Variants in ANO2 observed in about 807,000 individuals in gnomAD.
The protein encoded by ANO2 is anoctamin-2.
In ANO2, 101 loss-of-function variants were observed where a neutral mutation model predicts 124.2. The ratio of observed to expected loss-of-function variants is 0.81; its 90% CI spans 0.69 to 0.96. The LOEUF (loss-of-function observed/expected upper bound fraction) is 0.96, where lower values mean the gene tolerates loss of function less well. Ranked by LOEUF, ANO2 falls within the 40% of genes least tolerant of loss-of-function variation. ANO2 has a pLI of 0.00. For missense variants in ANO2, 1,293 were observed against 1,274.5 expected, an observed-to-expected ratio of 1.01 and a Z score of -0.22; for synonymous variants, 486 against 482.5, an observed-to-expected ratio of 1.01 and a Z score of -0.09.
At chr12:5,823,977 T>C (rs1205356942) in intron 7 of ANO2, among the ~76,000 whole-genome samples, 1 of 152,222 alleles carries the variant, frequency 6.6e-6, no homozygotes, top group Admixed American at 6.5e-5. Flanking sequence ...CTGAGCTGTA[T>C]GTTGGCCCCT....
chr12:5,602,371 C>A (rs2136886799), intron 19 of ANO2, among the ~76,000 whole-genome samples: 1 of 152,144 alleles, frequency 6.6e-6, no homozygotes, highest in East Asian at 1.9e-4. Flanking sequence ...CCACCTCAGC[C>A]TCCCAAGTAG....
intron 14 of ANO2, among the ~76,000 whole-genome samples, chr12:5,707,219 G>A (rs1334676582): frequency 1.3e-5 from 2 of 150,724 alleles, no homozygotes; most frequent in African/African-American, 4.9e-5. Context: ...TCTCTCTCCT[G>A]CCGCCATATA....
intron 3 of ANO2, among the ~76,000 whole-genome samples, chr12:5,876,164 G>C (rs1229469326): frequency 6.6e-6 from 1 of 152,162 alleles, no homozygotes; most frequent in African/African-American, 2.4e-5. Context: ...CCTAGAATAT[G>C]ATGGGGTTCT....
At chr12:5,943,002 T>C (rs1942953490) in intron 1 of ANO2, among the ~76,000 whole-genome samples, 1 of 152,198 alleles carries the variant, frequency 6.6e-6, no homozygotes, top group Admixed American at 6.5e-5. Flanking sequence ...GGGAACACTT[T>C]AACACTGCTG....
chr12:5,755,370 T>G (rs1951547985), intron 10 of ANO2, among the ~76,000 whole-genome samples: 1 of 148,788 alleles, frequency 6.7e-6, no homozygotes, highest in South Asian at 2.1e-4. Context: ...TTTTTTACAT[T>G]TATTTATTTT....
chr12:5,902,235 C>T (rs564900953), intron 3 of ANO2, among the ~76,000 whole-genome samples: 14 of 152,118 alleles, frequency 9.2e-5, no homozygotes, highest in South Asian at 6.3e-4. Flanking sequence ...AAAAAACTCA[C>T]GATAACAAGC....
At chr12:5,916,725 A>T (rs1429127459) in intron 3 of ANO2, among the ~76,000 whole-genome samples, 27 of 98,888 alleles carry the variant, frequency 2.7e-4, no homozygotes, top group African/African-American at 5.3e-4. Context: ...TTTTTAATTT[A>T]AAAAAAAAAA....
At chr12:5,802,393 G>A (rs1268584980) in intron 9 of ANO2, among the ~76,000 whole-genome samples, 5 of 152,242 alleles carry the variant, frequency 3.3e-5, no homozygotes, top group Non-Finnish European at 5.9e-5. Flanking sequence ...GAGCTACAGA[G>A]CACCAAAGCT....
At chr12:5,676,201 A>G (rs996959360) in intron 14 of ANO2, among the ~76,000 whole-genome samples, 1 of 152,226 alleles carries the variant, frequency 6.6e-6, no homozygotes, top group Admixed American at 6.5e-5. Context: ...CCAGATACCA[A>G]AGCAAGAAAT....
intron 20 of ANO2, among the ~76,000 whole-genome samples, chr12:5,589,286 C>A (rs1353421861): frequency 6.6e-6 from 1 of 151,876 alleles, no homozygotes; most frequent in Non-Finnish European, 1.5e-5. Flanking sequence ...GAAAGGAGTG[C>A]CTAATAGGCC....
At chr12:5,629,544 C>A (rs879594529) in intron 16 of ANO2, among the ~76,000 whole-genome samples, 15 of 152,200 alleles carry the variant, frequency 9.9e-5, no homozygotes, top group Admixed American at 3.3e-4. Context: ...TACCATGCTG[C>A]AGCCCTATTT....
Position 5,807,311 on chromosome 12 carries a change from AC to A in ANO2, c.948+1del. ...GAGCACGCTGATGAAAATAGTACTTACGTCATGAAGAGGGTAGGCAGCCTCA... is the reference window on the plus strand; with the variant it reads ...GAGCACGCTGATGAAAATAGTACTTAGTCATGAAGAGGGTAGGCAGCCTCA... On this transcript the variant is annotated splice_donor_variant, in intron 8 of 24. Transcript: ENST00000682330. LOFTEE classifies it high-confidence loss of function. The A allele has an allele frequency of 1.9e-6, 3 of 1,552,752 alleles. No homozygotes were observed. Among genetic ancestry groups the A allele is most frequent in the Non-Finnish European group, 2.6e-6 (3 of 1,147,804 alleles).
In ANO2 at chr12:5,926,539, C is replaced by G. The variant is rs751385779; in HGVS notation, c.23-3735G>C. On this transcript the variant is annotated intron_variant, in intron 1 of 24. Coordinates refer to ENST00000682330, the MANE Select transcript of ANO2 (RefSeq NM_001364791.2). ...GCTCTAGCACACCAGCTCCCCAGCCCAGCATCCTACATGCATTCTTCCCGC... is the reference window on the plus strand; with the variant it reads ...GCTCTAGCACACCAGCTCCCCAGCCGAGCATCCTACATGCATTCTTCCCGC... Among the ~76,000 whole-genome samples, 3 of 152,118 alleles carry G rather than the reference C, an allele frequency of 2.0e-5. No individual in the cohort carries two copies. The East Asian group carries it at 5.8e-4, about 29-fold the overall frequency.
At chr12:5,825,949 A>G (rs184633361) in intron 7 of ANO2, among the ~76,000 whole-genome samples, 1 of 152,358 alleles carries the variant, frequency 6.6e-6, no homozygotes, top group East Asian at 1.9e-4. Flanking sequence ...GAAGGTAGTC[A>G]TCAACACCAG....
rs999988415 is a variant in ANO2, at chr12:5,578,098, A to G, written c.2387-91T>C. 60 of 1,474,048 alleles carry G rather than the reference A, an allele frequency of 4.1e-5. 1 individual carries two copies. In the South Asian group the frequency reaches 7.0e-4, roughly 17 times the overall value. 91.3% of individuals were successfully genotyped at this position (1,474,048 alleles called of 1,614,324 possible). ...GCTCCAGGTGATGTTTTGCAGGTGA[A>G]CTACGGAGCAGCTTTGCTGGGCCCC... is the stretch of plus-strand genomic sequence containing the variant. On this transcript the variant is annotated intron_variant, in intron 21 of 24. Coordinates refer to ENST00000682330, the MANE Select transcript of ANO2 (RefSeq NM_001364791.2).
Position 5,832,622 on chromosome 12 carries a change from C to A in ANO2, c.634-19G>T. On this transcript the variant is annotated intron_variant, in intron 4 of 24. Transcript: ENST00000682330. ...CGTACATCTATGAAAGGAAGAGCCA[C>A]AGGTCTGAAAAGGGGGCCACTTCCA... The A allele has an allele frequency of 6.2e-7, 1 of 1,602,756 alleles. No homozygotes were observed. The highest frequency in any genetic ancestry group is 1.7e-5 in the Admixed American group (1 of 58,140).
At chr12:5,913,252 T>G (rs991798875) in intron 3 of ANO2, among the ~76,000 whole-genome samples, 5 of 152,194 alleles carry the variant, frequency 3.3e-5, no homozygotes, top group African/African-American at 1.2e-4. Flanking sequence ...AGAGGAGAAC[T>G]GCTTCAAGAC....
intron 14 of ANO2, among the ~76,000 whole-genome samples, chr12:5,720,860 C>T (rs890318475): frequency 1.3e-5 from 2 of 152,180 alleles, no homozygotes; most frequent in Non-Finnish European, 2.9e-5. Context: ...GAAATGTATA[C>T]AGTGAGCAGA....
intron 3 of ANO2, among the ~76,000 whole-genome samples, chr12:5,871,402 C>T (rs1209120034): frequency 1.3e-5 from 2 of 152,172 alleles, no homozygotes; most frequent in Non-Finnish European, 2.9e-5. Flanking sequence ...ACATTCTATA[C>T]CTAGAATAGA....
Sources: gnomAD v4.1 joint callset for allele counts (sites outside exome capture counted in the v4.1 genomes callset) on GRCh38, gnomAD v4.1.1 for gene constraint, MANE v1.5 for transcripts, NCBI Gene and HGNC (gene_info 2026-07-23, HGNC 2026-07-21) for gene names.